The following TRIM71 variants were observed in gnomAD, a reference collection of about 807,000 sequenced individuals.
TRIM71 encodes tripartite motif containing 71.
A neutral mutation model predicts 61.2 loss-of-function variants in TRIM71; 9 were observed. The ratio of observed to expected loss-of-function variants is 0.15; its 90% CI spans 0.09 to 0.26. The LOEUF (loss-of-function observed/expected upper bound fraction) is 0.26. TRIM71 is among the 10% of genes least tolerant of loss of function. The probability of loss-of-function intolerance (pLI) is 1.00; values close to 1 mark genes in which losing one functional copy is unlikely to be tolerated. For synonymous variants in TRIM71, 645 were observed against 553.2 expected (o/e 1.17, Z -2.33); for missense variants, 998 against 1,238.7 (o/e 0.81, Z 2.92).
chr3:32,871,513 T>C (rs1256493683), intron 1 of TRIM71, among the ~76,000 whole-genome samples: 1 of 152,172 alleles, frequency 6.6e-6, no homozygotes, highest in Non-Finnish European at 1.5e-5. Context: ...AGTGATCCCT[T>C]CATTCCCATG....
chr3:32,834,391 TA>T (rs1696308641), intron 1 of TRIM71, among the ~76,000 whole-genome samples: 1 of 151,850 alleles, frequency 6.6e-6, no homozygotes, highest in Non-Finnish European at 1.5e-5. Flanking sequence ...ATCCTACAGC[TA>T]AAGTTATCTG....
At chr3:32,882,772 GC>G (rs1373213014) in intron 2 of TRIM71, among the ~76,000 whole-genome samples, 1 of 152,102 alleles carries the variant, frequency 6.6e-6, no homozygotes, top group Admixed American at 6.6e-5. Flanking sequence ...AAACTCGTGG[GC>G]TTAAGCTATC....
At chr3:32,842,124 C>CT (rs1364340014) in intron 1 of TRIM71, among the ~76,000 whole-genome samples, 6 of 152,232 alleles carry the variant, frequency 3.9e-5, no homozygotes, top group African/African-American at 7.2e-5. Context: ...ACTCTCAGTG[C>CT]TGGTCCTCAT....
rs1559552982 is a variant in TRIM71, at chr3:32,893,525, C to T, written c.*1714C>T. ...AAGAACCAAATTCTGGAGGAGCCCT[C>T]CTCAGGGAAAAGAGGGACTCTCAAA... On this transcript the variant is annotated 3_prime_UTR_variant, in exon 4 of 4. Transcript: ENST00000383763. The T allele has an allele frequency of 6.6e-6, 1 of 152,142 alleles. No homozygotes were observed. The highest frequency in any genetic ancestry group is 2.4e-5 in the African/African-American group (1 of 41,430). The allele number at this position is 152,142 out of a possible 1,614,324, so 9.4% of individuals were successfully genotyped here. A position where few individuals can be genotyped will look rare whatever the true frequency, so the allele number is the denominator to read the frequency against.
chr3:32,818,365 C>T lies in TRIM71; in HGVS notation c.285C>T (p.Asp95=), dbSNP rs1185929359. Residue 95 remains aspartate, a synonymous_variant, in exon 1 of 4, where the codon GAC becomes GAT. Transcript: ENST00000383763. The stretch of plus-strand genomic sequence containing the variant: ...TCAAGCTGCGCTGCCCCGTGTGCGA[C>T]CAGAAAGTAGTGCTAGCCGAGGCGG... ...EPLKLRCPVC[D]QKVVLAEAAG... The T allele has an allele frequency of 5.4e-6, 8 of 1,477,942 alleles. No individual in the cohort carries two copies. In the African/African-American group the frequency reaches 1.0e-4, roughly 19 times the overall value. 91.6% of individuals were successfully genotyped at this position (1,477,942 alleles called of 1,614,324 possible).
At chr3:32,877,238 G>C (rs1696859837) in intron 2 of TRIM71, among the ~76,000 whole-genome samples, 1 of 152,064 alleles carries the variant, frequency 6.6e-6, no homozygotes, top group Non-Finnish European at 1.5e-5. Flanking sequence ...CGAGTAGCTG[G>C]GGTTACAGGA....
At chr3:32,868,348 A>G (rs1022244053) in intron 1 of TRIM71, among the ~76,000 whole-genome samples, 17 of 152,234 alleles carry the variant, frequency 1.1e-4, no homozygotes, top group African/African-American at 4.1e-4. Context: ...CATTATATCA[A>G]GTGATGTAAC....
rs1697069275 is a variant in TRIM71 at position 32,895,630 on chromosome 3, A to G, written c.*3819A>G. 1 of 152,172 alleles carries G rather than the reference A, an allele frequency of 6.6e-6. No individual in the cohort carries two copies. Among genetic ancestry groups the G allele is most frequent in the Non-Finnish European group, 1.5e-5 (1 of 68,042 alleles). The allele number at this position is 152,172 out of a possible 1,614,324, so 9.4% of individuals were successfully genotyped here. On this transcript the variant is annotated 3_prime_UTR_variant, in exon 4 of 4. Transcript: ENST00000383763. ...AAAGTATTTAGGGTATGTTTAAGGT[A>G]TATTTAAAACATCACTCTGAATGAG...
At position 32,818,327 on chromosome 3, in the gene TRIM71, G is replaced by T; in HGVS notation, c.247G>T (p.Ala83Ser). 1 of 1,444,196 alleles carries T rather than the reference G, an allele frequency of 6.9e-7. No individual in the cohort carries two copies. The highest frequency in any genetic ancestry group is 9.1e-7 in the Non-Finnish European group (1 of 1,103,484). The allele number at this position is 1,444,196 out of a possible 1,614,324, so 89.5% of individuals were successfully genotyped here. The change falls in exon 1 of 4, where the codon GCG becomes TCG. Residue 83 changes from alanine (A) to serine (S), a missense_variant. Around this residue, in one of 5 missense-constraint regions of TRIM71, gnomAD observed 527 missense variants for 427.8 expected, o/e 1.23. Transcript: ENST00000383763. Reference sequence around the variant, plus strand: ...GCTGCCGGCGGCGGGCGGCGGCGCGGCGGGAGAGCCGCTCAAGCTGCGCTG... The same window carrying T: ...GCTGCCGGCGGCGGGCGGCGGCGCGTCGGGAGAGCCGCTCAAGCTGCGCTG... ...HRLPAAGGGA[A>S]GEPLKLRCPV...
At chr3:32,826,476 C>T (rs1232527787) in intron 1 of TRIM71, among the ~76,000 whole-genome samples, 1 of 151,154 alleles carries the variant, frequency 6.6e-6, no homozygotes, top group Non-Finnish European at 1.5e-5. Context: ...TTTAGAGATA[C>T]TCATATTAGA....
Position 32,890,891 on chromosome 3 carries a change from T to G in TRIM71, c.1687T>G (p.Ser563Ala), listed in dbSNP as rs1168752970. Residue 563 changes from serine to alanine, a missense_variant, in exon 4 of 4, where the codon TCT becomes GCT. By Grantham distance (99) the Ser-to-Ala change is moderately conservative (BLOSUM62 1). This residue lies in a region of TRIM71 where 291 missense variants were observed against 431.2 expected (regional missense o/e 0.67). Coordinates refer to ENST00000383763, the MANE Select transcript of TRIM71 (RefSeq NM_001039111.3). The surrounding 1 kb of genome is among the most constrained non-coding windows in gnomAD (Gnocchi z 6.2). Reference protein sequence around the residue: ...RPQLEGEHLVSVTLCNQHIEN... With the variant: ...RPQLEGEHLVAVTLCNQHIEN... ...CCAGCTGGAGGGTGAGCACCTGGTATCTGTGACACTGTGCAACCAGCACAT... is the reference window on the plus strand; with the variant it reads ...CCAGCTGGAGGGTGAGCACCTGGTAGCTGTGACACTGTGCAACCAGCACAT... 6.2e-7 allele frequency: 1 copy of G among 1,614,204 alleles called. No homozygotes were observed. The highest frequency in any genetic ancestry group is 8.5e-7 in the Non-Finnish European group (1 of 1,180,040).
intron 1 of TRIM71, among the ~76,000 whole-genome samples, chr3:32,837,763 A>AC (rs1696351341): frequency 6.6e-6 from 1 of 152,102 alleles, no homozygotes; most frequent in Non-Finnish European, 1.5e-5. Flanking sequence ...CCGACATTAT[A>AC]CCACTGCACT....
chr3:32,818,966 G>A lies in TRIM71; in HGVS notation c.852+34G>A, dbSNP rs1164358692. 5.0e-6 allele frequency: 8 copies of A among 1,601,494 alleles called. No individual in the cohort carries two copies. The South Asian group carries it at 6.7e-5, about 13-fold the overall frequency. On this transcript the variant is annotated intron_variant, in intron 1 of 3. Transcript: ENST00000383763. Reference sequence around the variant, plus strand: ...GTGGGGGCGTGTGTTTGTGTCCATCGGATAACTGCGTGTGTGCTCAACAGC... The same window carrying A: ...GTGGGGGCGTGTGTTTGTGTCCATCAGATAACTGCGTGTGTGCTCAACAGC...
At chr3:32,838,624 TGA>T (rs1559539844) in intron 1 of TRIM71, among the ~76,000 whole-genome samples, 2 of 151,334 alleles carry the variant, frequency 1.3e-5, no homozygotes, top group African/African-American at 4.9e-5. Context: ...CAGAGGCAGT[TGA>T]TATAGGGGAG....
At chr3:32,873,684 C>G in intron 1 of TRIM71, 134 bp from the exon 2 acceptor site, 1 of 762,724 alleles carries the variant, frequency 1.3e-6, no homozygotes, top group Non-Finnish European at 2.0e-6. Flanking sequence ...ACTGCTGCCT[C>G]TCCCTTTGGG....
chr3:32,874,348 CTA>C (rs1696831273), intron 2 of TRIM71, among the ~76,000 whole-genome samples: 2 of 149,276 alleles, frequency 1.3e-5, no homozygotes, highest in South Asian at 2.1e-4. Flanking sequence ...ACTACTACTA[CTA>C]CTACTACTAC....
chr3:32,880,735 T>G (rs1157529660), intron 2 of TRIM71, among the ~76,000 whole-genome samples: 1 of 152,206 alleles, frequency 6.6e-6, no homozygotes, highest in Non-Finnish European at 1.5e-5. Flanking sequence ...ACTTTCACTT[T>G]GCTGCTTTTC....
At chr3:32,850,273 T>G (rs78298453) in intron 1 of TRIM71, among the ~76,000 whole-genome samples, 6,082 of 152,258 alleles carry the variant, frequency 0.04, 150 homozygotes, top group Non-Finnish European at 0.056. Flanking sequence ...AGATTTTTTT[T>G]TGTGTGCAAT....
intron 1 of TRIM71, among the ~76,000 whole-genome samples, chr3:32,871,359 A>G (rs1696793368): frequency 6.6e-6 from 1 of 152,202 alleles, no homozygotes; most frequent in Non-Finnish European, 1.5e-5. Context: ...AGCTGTCTTG[A>G]GAAGAGGGAA....
Sources: gnomAD v4.1 joint callset for allele counts (sites outside exome capture counted in the v4.1 genomes callset) on GRCh38, gnomAD v4.1.1 for gene constraint, gnomAD v4.1.1 regional missense constraint, Gnocchi (gnomAD v3.1) non-coding constraint, MANE v1.5 for transcripts, NCBI Gene and HGNC (gene_info 2026-07-23, HGNC 2026-07-21) for gene names.